LIPH: variants seen among roughly 807,000 people sequenced by gnomAD.
The protein encoded by LIPH is lipase H, also known as lipase member H.
In LIPH, 32 loss-of-function variants were observed where a neutral mutation model predicts 47.6. The ratio of observed to expected loss-of-function variants is 0.67; its 90% CI spans 0.51 to 0.90. The LOEUF (loss-of-function observed/expected upper bound fraction) is 0.90. Ranked by LOEUF, LIPH falls within the 40% of genes least tolerant of loss-of-function variation. LIPH has a pLI of 0.00. For synonymous variants in LIPH, 190 were observed against 195.6 expected (o/e 0.97, Z 0.24); for missense variants, 497 against 541.4 (o/e 0.92, Z 0.81).
At chr3:185,532,220 T>C (rs1720352482) in intron 3 of LIPH, among the ~76,000 whole-genome samples, 1 of 151,906 alleles carries the variant, frequency 6.6e-6, no homozygotes, top group South Asian at 2.1e-4. Context: ...CCAACAGAAA[T>C]ACAACATGAG....
chr3:185,541,394 CTTTTT>C (rs11349854), intron 1 of LIPH, among the ~76,000 whole-genome samples: 4 of 130,814 alleles, frequency 3.1e-5, no homozygotes, highest in African/African-American at 5.6e-5. Context: ...ATCTTTCTTT[CTTTTT>C]TTTTTTTTTT....
chr3:185,512,490 T>TAATCC (rs1160028660), intron 8 of LIPH, among the ~76,000 whole-genome samples: 1 of 50,708 alleles, frequency 2.0e-5, no homozygotes, highest in Non-Finnish European at 4.8e-5. Context: ...ATTAATCCTT[T>TAATCC]TTTTTTTTTT....
chr3:185,546,469 C>G (rs1042112849), intron 1 of LIPH, among the ~76,000 whole-genome samples: 10 of 151,908 alleles, frequency 6.6e-5, no homozygotes, highest in Non-Finnish European at 1.3e-4. Flanking sequence ...CAAAGCCTGC[C>G]TGGGCAATAT....
chr3:185,547,611 T>C (rs150739009), intron 1 of LIPH, among the ~76,000 whole-genome samples: 7,277 of 152,006 alleles, frequency 0.048, 285 homozygotes, highest in East Asian at 0.24. Flanking sequence ...TTCAGGAGTT[T>C]GAGACCAGCC....
chr3:185,518,471 G>A (rs1488962199), intron 6 of LIPH, among the ~76,000 whole-genome samples: 1 of 151,804 alleles, frequency 6.6e-6, no homozygotes, highest in Admixed American at 6.6e-5. Context: ...TAGTAGAGAT[G>A]AGATATCACC....
chr3:185,506,324 T>G lies in LIPH; in HGVS notation c.*2466A>C, dbSNP rs1363301656. On this transcript the variant is annotated 3_prime_UTR_variant, in exon 10 of 10. Transcript: ENST00000296252. Reference sequence around the variant, plus strand: ...TACATGAAACTTACTGAAATTCATCTCCTCTCCGGTGAACAAACTTCCTTT... The same window carrying G: ...TACATGAAACTTACTGAAATTCATCGCCTCTCCGGTGAACAAACTTCCTTT... The G allele has an allele frequency of 1.3e-5, 2 of 152,170 alleles. No individual in the cohort carries two copies. The highest frequency in any genetic ancestry group is 4.8e-5 in the African/African-American group (2 of 41,438). The allele number at this position is 152,170 out of a possible 1,614,324, so 9.4% of individuals were successfully genotyped here. A position where few individuals can be genotyped will look rare whatever the true frequency, so the allele number is the denominator to read the frequency against.
intron 3 of LIPH, among the ~76,000 whole-genome samples, chr3:185,532,218 A>C (rs1376178637): frequency 6.6e-6 from 1 of 152,086 alleles, no homozygotes; most frequent in East Asian, 1.9e-4. Flanking sequence ...GTCCAACAGA[A>C]ATACAACATG....
chr3:185,527,620 A>G, intron 3 of LIPH, 35 bp from the exon 4 acceptor site: 1 of 1,299,990 alleles, frequency 7.7e-7, no homozygotes, highest in South Asian at 1.2e-5. Context: ...GCAGCCCCAC[A>G]CCATGAGTCA....
rs1410541813 is a variant in LIPH at position 185,519,186 on chromosome 3, C to G, written c.842G>C (p.Cys281Ser). The G allele has an allele frequency of 1.2e-6, 2 of 1,613,960 alleles. No individual in the cohort carries two copies. Among genetic ancestry groups the G allele is most frequent in the African/African-American group, 1.3e-5 (1 of 74,926 alleles). Reference sequence around the variant, plus strand: ...TTTTTGTGACGTGCCGCAGCTGACACACTTGCCATTCCTATAATCCTGGTA... The same window carrying G: ...TTTTTGTGACGTGCCGCAGCTGACAGACTTGCCATTCCTATAATCCTGGTA... The part of the protein sequence containing the change: ...DSYQDYRNGK[C>S]VSCGTSQKES... Residue 281 changes from cysteine (C) to serine (S), a missense_variant, in exon 6 of 10, where the codon TGT (cysteine) becomes TCT (serine). Cys to Ser is a moderately radical substitution (Grantham distance 112, BLOSUM62 -1). Transcript: ENST00000296252.
In LIPH at chr3:185,552,547, G is replaced by A. The variant is rs567202731; in HGVS notation, c.-76C>T. The A allele has an allele frequency of 1.3e-4, 144 of 1,094,494 alleles. No homozygotes were observed. The African/African-American group carries it at 1.9e-3, about 15-fold the overall frequency. 67.8% of individuals were successfully genotyped at this position (1,094,494 alleles called of 1,614,324 possible). ...CAGAGGCTTAAGAGTTTCCACTGTG[G>A]GATTTTGCTCACAGTGAGCTCAGAC... On this transcript the variant is annotated 5_prime_UTR_variant, in exon 1 of 10. Coordinates refer to ENST00000296252, the MANE Select transcript of LIPH (RefSeq NM_139248.3).
chr3:185,533,801 T>C, intron 2 of LIPH, 122 bp from the exon 3 acceptor site: 1 of 677,212 alleles, frequency 1.5e-6, no homozygotes, highest in Non-Finnish European at 2.7e-6. Flanking sequence ...TATTATCTCA[T>C]TTAAAAGTCA....
intron 7 of LIPH, 71 bp downstream of exon 7, chr3:185,516,996 C>A: frequency 1.0e-6 from 1 of 1,002,180 alleles, no homozygotes; most frequent in South Asian, 1.3e-5. Flanking sequence ...AAGAAGTAGC[C>A]AGGAAGCTGA....
intron 7 of LIPH, among the ~76,000 whole-genome samples, chr3:185,516,010 C>G (rs1289959746): frequency 6.6e-6 from 1 of 151,778 alleles, no homozygotes; most frequent in Non-Finnish European, 1.5e-5. Context: ...GGCGCATGCC[C>G]GAAGTCCCAG....
intron 1 of LIPH, chr3:185,547,037 A>G (rs1377120648): frequency 1.0e-5 from 4 of 387,270 alleles, no homozygotes; most frequent in Non-Finnish European, 2.0e-5. Flanking sequence ...ACGATAGTCA[A>G]TAAGCAAAGG....
chr3:185,508,527 GC>G lies in LIPH; in HGVS notation c.*262del, dbSNP rs1719452747. 1.7e-5 allele frequency: 8 copies of G among 472,940 alleles called. No homozygotes were observed. The East Asian group carries it at 3.2e-4, about 19-fold the overall frequency. 29.3% of individuals were successfully genotyped at this position (472,940 alleles called of 1,614,324 possible). Reference sequence around the variant, plus strand: ...GAATTGACAGGTCGGAACAAGGGAGGCCCCAGGACACAGCAGACACAGCGCT... The same window carrying G: ...GAATTGACAGGTCGGAACAAGGGAGGCCCAGGACACAGCAGACACAGCGCT... On this transcript the variant is annotated 3_prime_UTR_variant, in exon 10 of 10. Transcript: ENST00000296252.
intron 6 of LIPH, among the ~76,000 whole-genome samples, chr3:185,518,669 T>A (rs1384305305): frequency 6.6e-6 from 1 of 152,054 alleles, no homozygotes; most frequent in Non-Finnish European, 1.5e-5. Context: ...AAAAAAAAAG[T>A]CTATTTTTAA....
chr3:185,531,208 G>A (rs528844939), intron 3 of LIPH, among the ~76,000 whole-genome samples: 68 of 152,266 alleles, frequency 4.5e-4, no homozygotes, highest in African/African-American at 1.5e-3. Context: ...CTGAATCTCA[G>A]TTCCTTTAAT....
In LIPH at chr3:185,527,488, A is replaced by G. The variant is rs766344822; in HGVS notation, c.624T>C (p.Thr208=). Residue 208 remains threonine (T), a synonymous_variant, in exon 4 of 10, where the codon ACT becomes ACC. Coordinates refer to ENST00000296252, the MANE Select transcript of LIPH (RefSeq NM_139248.3). ...AQFVDVIHSD[T]DALGYKEPLG... The stretch of plus-strand genomic sequence containing the variant: ...CCACAAGGAAAGGAGCGTTACCATC[A>G]GTGTCGGAATGGATGACATCAACAA... 1.2e-6 allele frequency: 2 copies of G among 1,607,236 alleles called. No homozygotes were observed. The highest frequency in any genetic ancestry group is 2.2e-5 in the South Asian group (2 of 90,832).
At position 185,535,268 on chromosome 3, in the gene LIPH, G is replaced by A. The variant is rs974820150; in HGVS notation, c.50-136C>T. 3.9e-6 allele frequency: 4 copies of A among 1,020,740 alleles called. No individual in the cohort carries two copies. In the African/African-American group the frequency reaches 4.8e-5, roughly 12 times the overall value. 63.2% of individuals were successfully genotyped at this position (1,020,740 alleles called of 1,614,324 possible). A position where few individuals can be genotyped will look rare whatever the true frequency, so the allele number is the denominator to read the frequency against. ...GGCTAAGGGCTGGATCCAGTTGAAT[G>A]AAGTTGCAAAATCATATATACATAC... On this transcript the variant is annotated intron_variant, in intron 1 of 9. Transcript: ENST00000296252.
Sources: allele counts gnomAD v4.1 joint callset (sites outside exome capture counted in the v4.1 genomes callset), GRCh38; gene constraint gnomAD v4.1.1; transcripts MANE v1.5; gene names NCBI Gene and HGNC (gene_info 2026-07-23, HGNC 2026-07-21).